The following EPHA6 variants were observed in gnomAD, a reference collection of about 807,000 sequenced individuals.
EPHA6 encodes ephrin type-A receptor 6.
Under a neutral mutation model 112.0 loss-of-function variants are expected in EPHA6, and 50 were observed. The observed-to-expected ratio is 0.45, with a 90% CI of 0.36 to 0.56. EPHA6 has a LOEUF of 0.56. Among genes scored for constraint, EPHA6 ranks in the 20% least tolerant of loss-of-function variants. The probability of loss-of-function intolerance (pLI) is 0.00; values close to 1 mark genes in which losing one functional copy is unlikely to be tolerated. For synonymous variants in EPHA6, 529 were observed against 490.7 expected (o/e 1.08, Z -1.03); for missense variants, 1,280 against 1,417.4 (o/e 0.90, Z 1.56).
chr3:97,689,417 T>A (rs2032492836), intron 14 of EPHA6, among the ~76,000 whole-genome samples: 1 of 152,190 alleles, frequency 6.6e-6, no homozygotes, highest in Non-Finnish European at 1.5e-5. Flanking sequence ...TTTGGCTAGA[T>A]ATATAAAAAT....
At chr3:96,917,581 A>G (rs1156970177) in intron 2 of EPHA6, among the ~76,000 whole-genome samples, 2 of 152,052 alleles carry the variant, frequency 1.3e-5, no homozygotes, top group East Asian at 1.9e-4. Context: ...GCTCCCATGC[A>G]CAGTACACCA....
At chr3:96,970,545 C>T (rs964456794) in intron 2 of EPHA6, among the ~76,000 whole-genome samples, 5 of 152,118 alleles carry the variant, frequency 3.3e-5, no homozygotes, top group Middle Eastern at 3.4e-3. Flanking sequence ...GAGTAGCTCT[C>T]CCATTAGTGG....
At position 96,818,806 on chromosome 3, in the gene EPHA6, C is replaced by A. The variant is rs372640598; in HGVS notation, c.385+3798C>A. Among the ~76,000 whole-genome samples the A allele has an allele frequency of 4.9e-4, 74 of 151,850 alleles. No individual in the cohort carries two copies. The South Asian group carries it at 0.014, about 29-fold the overall frequency. On this transcript the variant is annotated intron_variant, in intron 1 of 17. Coordinates refer to ENST00000389672, the MANE Select transcript of EPHA6 (RefSeq NM_001080448.3). ...GATTACTTAGAATGTTTCTGAAAGA[C>A]CATTCATTTAGAAGAAATTAGTTTT...
At chr3:97,280,310 T>G (rs2108660899) in intron 5 of EPHA6, among the ~76,000 whole-genome samples, 1 of 152,348 alleles carries the variant, frequency 6.6e-6, no homozygotes, top group Non-Finnish European at 1.5e-5. Flanking sequence ...GTTGTAAAGA[T>G]TAAATGCAAT....
At chr3:97,371,327 C>T (rs1256612464) in intron 5 of EPHA6, among the ~76,000 whole-genome samples, 1 of 152,062 alleles carries the variant, frequency 6.6e-6, no homozygotes, top group Non-Finnish European at 1.5e-5. Context: ...TGGCTGAAGC[C>T]ATGGCAGAAG....
rs1263332609 is a variant in EPHA6 at position 97,321,770 on chromosome 3, A to G, written c.1606+77483A>G. ...TTTTATTAGTATAAAAATTGGAAGA[A>G]GAGTCAACAAATTATTTGTTAACTA... On this transcript the variant is annotated intron_variant, in intron 5 of 17. Transcript: ENST00000389672. 2.6e-5 allele frequency among the ~76,000 whole-genome samples: 4 copies of G among 152,092 alleles called. No homozygotes were observed. In the East Asian group the frequency reaches 7.7e-4, roughly 29 times the overall value.
chr3:97,533,343 A>T (rs1297082921), intron 11 of EPHA6, among the ~76,000 whole-genome samples: 1 of 152,100 alleles, frequency 6.6e-6, no homozygotes, highest in Non-Finnish European at 1.5e-5. Flanking sequence ...TAAAATTGTA[A>T]CTTTATGTCA....
At chr3:97,455,700 C>A (rs950532172) in intron 7 of EPHA6, among the ~76,000 whole-genome samples, 2 of 151,894 alleles carry the variant, frequency 1.3e-5, no homozygotes, top group African/African-American at 4.8e-5. Flanking sequence ...ATGCATATTT[C>A]TGGATTAATG....
intron 11 of EPHA6, among the ~76,000 whole-genome samples, chr3:97,554,585 C>G (rs1307571628): frequency 1.3e-5 from 2 of 151,894 alleles, no homozygotes; most frequent in East Asian, 3.9e-4. Flanking sequence ...GGCCAGGTTC[C>G]TTCTATGTCA....
intron 7 of EPHA6, among the ~76,000 whole-genome samples, chr3:97,464,663 C>T (rs2090999826): frequency 6.6e-6 from 1 of 151,984 alleles, no homozygotes; most frequent in African/African-American, 2.4e-5. Flanking sequence ...AAAGATGATT[C>T]TGGCCTGGAA....
chr3:97,707,346 G>C (rs1039947690), intron 14 of EPHA6, among the ~76,000 whole-genome samples: 11 of 152,086 alleles, frequency 7.2e-5, no homozygotes, highest in Admixed American at 6.6e-5. Context: ...TTTCTGGGAG[G>C]ACAGTACATT....
intron 5 of EPHA6, among the ~76,000 whole-genome samples, chr3:97,372,796 G>A (rs1237639917): frequency 6.6e-6 from 1 of 151,996 alleles, no homozygotes; most frequent in Non-Finnish European, 1.5e-5. Flanking sequence ...AACATGCATT[G>A]TTTAAGTGAT....
chr3:96,878,173 C>T (rs2037088533), intron 2 of EPHA6, among the ~76,000 whole-genome samples: 1 of 151,698 alleles, frequency 6.6e-6, no homozygotes, highest in African/African-American at 2.4e-5. Flanking sequence ...TATGTACAGC[C>T]ACCATATTAT....
rs78303940 is a variant in EPHA6 at position 97,334,341 on chromosome 3, G to A, written c.1607-70809G>A. 3.6e-3 allele frequency among the ~76,000 whole-genome samples: 554 copies of A among 152,048 alleles called. 1 individual carries two copies. Among genetic ancestry groups the A allele is most frequent in the African/African-American group, 0.012 (516 of 41,522 alleles). On this transcript the variant is annotated intron_variant, in intron 5 of 17. Transcript: ENST00000389672. Reference sequence around the variant, plus strand: ...CATTCTCTACTCTTCTAAAAGAAGAGATTTTCTGGAATAGTTTGAATAAAC... The same window carrying A: ...CATTCTCTACTCTTCTAAAAGAAGAAATTTTCTGGAATAGTTTGAATAAAC...
In EPHA6 at chr3:96,988,501, G is replaced by C. The variant is rs554910382; in HGVS notation, c.1114+508G>C. On this transcript the variant is annotated intron_variant, in intron 3 of 17. Transcript: ENST00000389672. ...AGTTTATAGAAATATGACATTTAAA[G>C]ACAGCAATAATTATTTCTATCATAT... Among the ~76,000 whole-genome samples the C allele has an allele frequency of 1.3e-4, 20 of 152,180 alleles. No homozygotes were observed. In the East Asian group the frequency reaches 3.9e-3, roughly 29 times the overall value.
At chr3:96,912,372 A>G (rs2107605299) in intron 2 of EPHA6, among the ~76,000 whole-genome samples, 1 of 152,272 alleles carries the variant, frequency 6.6e-6, no homozygotes, top group Admixed American at 6.5e-5. Flanking sequence ...TGCCATCATG[A>G]AATTTATACT....
Position 96,814,705 on chromosome 3 carries a change from A to G in EPHA6, c.82A>G (p.Thr28Ala), listed in dbSNP as rs2032607820. ...ASSSEAAAPA[T>A]GQPGPSCPVP... is the part of the protein sequence containing the mutation. ...CTCCTCCGAAGCAGCTGCACCTGCA[A>G]CTGGGCAGCCTGGACCCTCGTGCCC... is the stretch of plus-strand genomic sequence containing the variant. Residue 28 changes from threonine (T) to alanine (A), a missense_variant, in exon 1 of 18, where the codon ACT (threonine) becomes GCT (alanine). By Grantham distance (58) the Thr-to-Ala change is moderately conservative. Coordinates refer to ENST00000389672, the MANE Select transcript of EPHA6 (RefSeq NM_001080448.3). 2 of 1,507,392 alleles carry G rather than the reference A, an allele frequency of 1.3e-6. No individual in the cohort carries two copies. Among genetic ancestry groups the G allele is most frequent in the South Asian group, 1.3e-5 (1 of 75,234 alleles). 93.4% of individuals were successfully genotyped at this position (1,507,392 alleles called of 1,614,324 possible). A position where few individuals can be genotyped will look rare whatever the true frequency, so the allele number is the denominator to read the frequency against.
rs149901753 is a variant in EPHA6 at position 97,577,830 on chromosome 3, G to A, written c.2387-14782G>A. 3.3e-3 allele frequency among the ~76,000 whole-genome samples: 507 copies of A among 151,476 alleles called. 3 individuals carry two copies. Among genetic ancestry groups the A allele is most frequent in the African/African-American group, 0.011 (447 of 41,248 alleles). On this transcript the variant is annotated intron_variant, in intron 11 of 17. Transcript: ENST00000389672. ...GTTTTTGTTTTTCTTGGTTTTTTTT[G>A]TAGTGGAAGAGAAGGAAGTAGAGTA...
In EPHA6 at chr3:97,300,795, C is replaced by G. The variant is rs143652287; in HGVS notation, c.1606+56508C>G. On this transcript the variant is annotated intron_variant, in intron 5 of 17. Coordinates refer to ENST00000389672, the MANE Select transcript of EPHA6 (RefSeq NM_001080448.3). ...GAGCTATAGGATAGCAGGCTCGAAG[C>G]ATGACCTTACACGTTCAAGTCATAA... is the stretch of plus-strand genomic sequence containing the variant. Among the ~76,000 whole-genome samples the G allele has an allele frequency of 2.6e-5, 4 of 151,960 alleles. No individual in the cohort carries two copies. In the East Asian group the frequency reaches 7.8e-4, roughly 29 times the overall value.
Sources: allele counts gnomAD v4.1 joint callset (sites outside exome capture counted in the v4.1 genomes callset), GRCh38; gene constraint gnomAD v4.1.1; transcripts MANE v1.5; gene names NCBI Gene and HGNC (gene_info 2026-07-23, HGNC 2026-07-21).